BMPR1B: variants seen among roughly 807,000 people sequenced by gnomAD.
The protein encoded by BMPR1B is bone morphogenetic protein receptor type 1B, also known as bone morphogenetic protein receptor type-1B.
In BMPR1B, 12 loss-of-function variants were observed where a neutral mutation model predicts 59.1. The observed-to-expected ratio is 0.20, with a 90% CI of 0.13 to 0.33. BMPR1B has a LOEUF of 0.33. Ranked by LOEUF, BMPR1B falls within the 10% of genes least tolerant of loss-of-function variation. The pLI, the probability that BMPR1B is intolerant of heterozygous loss-of-function variation, is 1.00. For synonymous variants in BMPR1B, 237 were observed against 207.3 expected (o/e 1.14, Z -1.23); for missense variants, 550 against 610.9 (o/e 0.90, Z 1.05).
chr4:95,027,256 T>G (rs954946855), intron 3 of BMPR1B, among the ~76,000 whole-genome samples: 1 of 152,202 alleles, frequency 6.6e-6, no homozygotes, highest in Non-Finnish European at 1.5e-5. Flanking sequence ...GCTTAATTTT[T>G]TCTTTTGTAT....
At chr4:95,011,470 G>T (rs1010006189) in intron 3 of BMPR1B, among the ~76,000 whole-genome samples, 1 of 152,082 alleles carries the variant, frequency 6.6e-6, no homozygotes, top group Non-Finnish European at 1.5e-5. Flanking sequence ...TCCATCTTCG[G>T]TGACACATAT....
chr4:95,153,570 C>T (rs947694191), intron 12 of BMPR1B, among the ~76,000 whole-genome samples: 5 of 152,076 alleles, frequency 3.3e-5, no homozygotes, highest in African/African-American at 4.8e-5. Context: ...ATCTCTGGGC[C>T]GGGCACTGTG....
chr4:94,959,576 T>C (rs909644687), intron 2 of BMPR1B, among the ~76,000 whole-genome samples: 1 of 152,184 alleles, frequency 6.6e-6, no homozygotes, highest in African/African-American at 2.4e-5. Context: ...TTTACCATTA[T>C]TATTGTCTGA....
intron 1 of BMPR1B, among the ~76,000 whole-genome samples, chr4:94,864,061 C>G (rs1447794680): frequency 6.6e-6 from 1 of 152,084 alleles, no homozygotes; most frequent in Non-Finnish European, 1.5e-5. Context: ...TACATTTTAG[C>G]TGATGTACTA....
At chr4:95,063,294 G>A (rs532049789) in intron 3 of BMPR1B, among the ~76,000 whole-genome samples, 3 of 152,232 alleles carry the variant, frequency 2.0e-5, no homozygotes, top group Non-Finnish European at 4.4e-5. Context: ...TTTAATATGT[G>A]CATGTTTCCA....
intron 3 of BMPR1B, among the ~76,000 whole-genome samples, chr4:95,063,450 T>G (rs1727557540): frequency 6.6e-6 from 1 of 151,984 alleles, no homozygotes; most frequent in Admixed American, 6.6e-5. Flanking sequence ...GAGCTTTTAT[T>G]ATTCCATTTG....
Position 95,127,731 on chromosome 4 carries a change from A to G in BMPR1B, c.586-2131A>G, listed in dbSNP as rs146890758. Among the ~76,000 whole-genome samples, 932 of 152,216 alleles carry G rather than the reference A, an allele frequency of 6.1e-3. 6 individuals carry two copies. Among genetic ancestry groups the G allele is most frequent in the Non-Finnish European group, 8.9e-3 (603 of 68,016 alleles). ...GGGCTCCTAAAGAGAGGACGGCTGCATTACACATAAACTTGCTTGCTTATT... is the reference window on the plus strand; with the variant it reads ...GGGCTCCTAAAGAGAGGACGGCTGCGTTACACATAAACTTGCTTGCTTATT... On this transcript the variant is annotated intron_variant, in intron 8 of 12. Coordinates refer to ENST00000515059, the MANE Select transcript of BMPR1B (RefSeq NM_001203.3).
chr4:94,856,694 A>G (rs1725767069), intron 1 of BMPR1B, among the ~76,000 whole-genome samples: 1 of 152,308 alleles, frequency 6.6e-6, no homozygotes, highest in East Asian at 1.9e-4. Flanking sequence ...CTAAGGGCAT[A>G]ATGGGCAGGC....
At chr4:94,794,822 T>C (rs1311248956) in intron 1 of BMPR1B, among the ~76,000 whole-genome samples, 2 of 147,676 alleles carry the variant, frequency 1.4e-5, no homozygotes, top group Non-Finnish European at 3.0e-5. Flanking sequence ...TCTCTGTTTG[T>C]CTGTTGTTGG....
At chr4:95,048,403 A>T (rs1271176292) in intron 3 of BMPR1B, among the ~76,000 whole-genome samples, 3 of 152,172 alleles carry the variant, frequency 2.0e-5, no homozygotes, top group Admixed American at 2.0e-4. Flanking sequence ...GGCTGAACTA[A>T]TTTATATTCC....
intron 1 of BMPR1B, among the ~76,000 whole-genome samples, chr4:94,863,387 G>T (rs1363022749): frequency 3.3e-5 from 5 of 152,156 alleles, no homozygotes; most frequent in African/African-American, 1.2e-4. Flanking sequence ...CATTTCACCA[G>T]CCTGGAAATG....
intron 3 of BMPR1B, among the ~76,000 whole-genome samples, chr4:95,048,310 C>T (rs932904250): frequency 2.0e-5 from 3 of 152,074 alleles, no homozygotes; most frequent in Non-Finnish European, 4.4e-5. Flanking sequence ...GATATATACC[C>T]AGTAATGGCT....
intron 2 of BMPR1B, among the ~76,000 whole-genome samples, chr4:94,920,744 C>T (rs1417085586): frequency 6.6e-6 from 1 of 152,218 alleles, no homozygotes; most frequent in African/African-American, 2.4e-5. Context: ...TCAGAGAATA[C>T]TCACTTCATT....
intron 3 of BMPR1B, among the ~76,000 whole-genome samples, chr4:95,029,080 A>ATTTT (rs1399329355): frequency 2.5e-4 from 36 of 143,562 alleles, no homozygotes; most frequent in African/African-American, 8.3e-4. Context: ...TTATTTATTT[A>ATTTT]TTTTTTATTT....
At chr4:95,058,908 A>G (rs903270757) in intron 3 of BMPR1B, among the ~76,000 whole-genome samples, 2 of 152,284 alleles carry the variant, frequency 1.3e-5, no homozygotes, top group Admixed American at 1.3e-4. Flanking sequence ...ATGGCGCTGA[A>G]TCTCAACTGA....
intron 2 of BMPR1B, among the ~76,000 whole-genome samples, chr4:94,918,749 G>T (rs190466035): frequency 6.1e-4 from 92 of 151,274 alleles, no homozygotes; most frequent in African/African-American, 2.1e-3. Flanking sequence ...TGCTGAGTAA[G>T]CTATTTTTGG....
intron 1 of BMPR1B, among the ~76,000 whole-genome samples, chr4:94,861,022 TC>T (rs1725957964): frequency 2.6e-5 from 4 of 151,874 alleles, no homozygotes. Flanking sequence ...CGAGATCCCA[TC>T]CCATTCCATT....
intron 1 of BMPR1B, among the ~76,000 whole-genome samples, chr4:94,846,704 T>C (rs985042917): frequency 9.2e-5 from 14 of 152,032 alleles, no homozygotes; most frequent in Middle Eastern, 6.8e-3. Context: ...TATATGTATA[T>C]ATGTATCTAT....
chr4:94,847,371 T>C (rs1208845270), intron 1 of BMPR1B, among the ~76,000 whole-genome samples: 1 of 152,152 alleles, frequency 6.6e-6, no homozygotes, highest in African/African-American at 2.4e-5. Context: ...TGGAAAACAG[T>C]GTGAAGATTC....
Sources: allele counts gnomAD v4.1 joint callset (sites outside exome capture counted in the v4.1 genomes callset), GRCh38; gene constraint gnomAD v4.1.1; transcripts MANE v1.5; gene names NCBI Gene and HGNC (gene_info 2026-07-23, HGNC 2026-07-21).